GXYLT1: variants seen among roughly 807,000 people sequenced by gnomAD.
GXYLT1 encodes glycosyltransferase 8 domain containing 3.
A neutral mutation model predicts 54.0 loss-of-function variants in GXYLT1; 29 were observed. The observed-to-expected ratio is 0.54, with a 90% CI of 0.40 to 0.73. The LOEUF is 0.73. Among genes scored for constraint, GXYLT1 ranks in the 30% least tolerant of loss-of-function variants. GXYLT1 has a pLI of 0.00. For missense variants in GXYLT1, 490 were observed against 553.4 expected, an observed-to-expected ratio of 0.89 and a Z score of 1.15; for synonymous variants, 176 against 204.1, an observed-to-expected ratio of 0.86 and a Z score of 1.17.
chr12:42,136,936 G>A (rs2065623131), intron 1 of GXYLT1, among the ~76,000 whole-genome samples: 1 of 151,920 alleles, frequency 6.6e-6, no homozygotes, highest in Non-Finnish European at 1.5e-5. Flanking sequence ...ACTATGCCCA[G>A]GTAATTTTTT....
chr12:42,086,544 C>T lies in GXYLT1; in HGVS notation c.*1242G>A, dbSNP rs923540196. On this transcript the variant is annotated 3_prime_UTR_variant, in exon 8 of 8. Transcript: ENST00000398675. ...TTGTTGGTAAAATAAGATATGTGCC[C>T]CAGCATAGTATATGCTAAGTATTCA... is the stretch of plus-strand genomic sequence containing the variant. 2.0e-5 allele frequency: 3 copies of T among 152,038 alleles called. No individual in the cohort carries two copies. The highest frequency in any genetic ancestry group is 7.2e-5 in the African/African-American group (3 of 41,392). 9.4% of individuals were successfully genotyped at this position (152,038 alleles called of 1,614,324 possible).
chr12:42,090,112 T>TGG (rs1555138097), intron 7 of GXYLT1, among the ~76,000 whole-genome samples: 1 of 9,696 alleles, frequency 1.0e-4, no homozygotes, highest in African/African-American at 1.4e-4. Flanking sequence ...TCTTCTTCAC[T>TGG]GGAAAAAAAA....
chr12:42,129,149 C>T (rs2065580205), intron 2 of GXYLT1, among the ~76,000 whole-genome samples: 1 of 152,138 alleles, frequency 6.6e-6, no homozygotes, highest in Non-Finnish European at 1.5e-5. Flanking sequence ...TTCTTTCATT[C>T]TAGATTAGAG....
intron 3 of GXYLT1, among the ~76,000 whole-genome samples, chr12:42,115,348 T>C (rs2065487244): frequency 6.6e-6 from 1 of 152,192 alleles, no homozygotes; most frequent in Non-Finnish European, 1.5e-5. Context: ...ATTGTTCCTG[T>C]TTGCAGATGA....
At chr12:42,121,151 T>C (rs763708570) in intron 2 of GXYLT1, among the ~76,000 whole-genome samples, 9 of 152,186 alleles carry the variant, frequency 5.9e-5, no homozygotes, top group Non-Finnish European at 1.2e-4. Flanking sequence ...CAGATCCTAC[T>C]TGTCATTACA....
intron 2 of GXYLT1, among the ~76,000 whole-genome samples, chr12:42,125,482 C>A (rs1029065429): frequency 6.6e-6 from 1 of 152,144 alleles, no homozygotes; most frequent in Non-Finnish European, 1.5e-5. Context: ...CTAAGAAATG[C>A]AGATCATTTA....
At chr12:42,142,697 T>C (rs1466252305) in intron 1 of GXYLT1, among the ~76,000 whole-genome samples, 1 of 152,172 alleles carries the variant, frequency 6.6e-6, no homozygotes, top group African/African-American at 2.4e-5. Context: ...AATGACGATA[T>C]ACAAAATAGA....
At chr12:42,130,828 TC>T (rs2065589977) in intron 1 of GXYLT1, among the ~76,000 whole-genome samples, 2 of 152,088 alleles carry the variant, frequency 1.3e-5, no homozygotes, top group South Asian at 2.1e-4. Context: ...TTACCTTAAG[TC>T]CCAGCTACTC....
intron 2 of GXYLT1, among the ~76,000 whole-genome samples, chr12:42,125,103 T>A (rs1033615189): frequency 6.6e-6 from 1 of 152,038 alleles, no homozygotes; most frequent in African/African-American, 2.4e-5. Flanking sequence ...GGAGATGAAG[T>A]GAGCAGTGAG....
At chr12:42,111,306 G>A (rs1451575513) in intron 3 of GXYLT1, among the ~76,000 whole-genome samples, 4 of 152,234 alleles carry the variant, frequency 2.6e-5, no homozygotes, top group Non-Finnish European at 5.9e-5. Context: ...GCAGCGCACC[G>A]TGCGCGAGCC....
At chr12:42,140,312 A>AC (rs2065645055) in intron 1 of GXYLT1, among the ~76,000 whole-genome samples, 1 of 150,442 alleles carries the variant, frequency 6.6e-6, no homozygotes, top group African/African-American at 2.5e-5. Flanking sequence ...AAATTCCTGG[A>AC]CCCCACTGCC....
At chr12:42,128,422 G>A (rs550809251) in intron 2 of GXYLT1, among the ~76,000 whole-genome samples, 1 of 152,208 alleles carries the variant, frequency 6.6e-6, no homozygotes, top group East Asian at 1.9e-4. Context: ...TTTTAAAAAT[G>A]AAGTTCTTCC....
chr12:42,132,858 GAAC>G (rs1463480061), intron 1 of GXYLT1, among the ~76,000 whole-genome samples: 2 of 151,864 alleles, frequency 1.3e-5, no homozygotes, highest in African/African-American at 2.4e-5. Flanking sequence ...CCAACATATT[GAAC>G]AACTCAGTAA....
intron 1 of GXYLT1, among the ~76,000 whole-genome samples, chr12:42,135,299 T>C (rs1254643349): frequency 6.6e-6 from 1 of 152,188 alleles, no homozygotes; most frequent in African/African-American, 2.4e-5. Context: ...AGACATGTAA[T>C]GTGTGCAAGA....
chr12:42,137,598 A>C (rs1386239225), intron 1 of GXYLT1, among the ~76,000 whole-genome samples: 2 of 151,780 alleles, frequency 1.3e-5, no homozygotes, highest in East Asian at 1.9e-4. Context: ...TCTACTAAAA[A>C]TACAAAAAAT....
intron 4 of GXYLT1, among the ~76,000 whole-genome samples, chr12:42,109,239 T>C (rs915162073): frequency 6.6e-6 from 1 of 152,348 alleles, no homozygotes; most frequent in East Asian, 1.9e-4. Context: ...ACCGCATTTC[T>C]GCTGGCAACA....
chr12:42,110,484 C>T (rs2065446829), intron 3 of GXYLT1, among the ~76,000 whole-genome samples: 1 of 152,158 alleles, frequency 6.6e-6, no homozygotes, highest in Non-Finnish European at 1.5e-5. Flanking sequence ...CTAATATCTT[C>T]CAATATAGTT....
At chr12:42,134,969 G>C (rs2065611501) in intron 1 of GXYLT1, among the ~76,000 whole-genome samples, 2 of 152,098 alleles carry the variant, frequency 1.3e-5, no homozygotes, top group Non-Finnish European at 2.9e-5. Context: ...TTACTGTTCA[G>C]TTATTCACTC....
chr12:42,137,331 AC>A (rs2065625258), intron 1 of GXYLT1, among the ~76,000 whole-genome samples: 1 of 151,288 alleles, frequency 6.6e-6, no homozygotes, highest in Admixed American at 6.6e-5. Flanking sequence ...ACACAGTGAA[AC>A]CCTGTCTCTA....
Sources: allele counts gnomAD v4.1 joint callset (sites outside exome capture counted in the v4.1 genomes callset), GRCh38; gene constraint gnomAD v4.1.1; transcripts MANE v1.5; gene names NCBI Gene and HGNC (gene_info 2026-07-23, HGNC 2026-07-21).